The following FOXP2 variants were observed in gnomAD, a reference collection of about 807,000 sequenced individuals.
FOXP2 encodes the protein forkhead box P2.
FOXP2 carries 12 observed loss-of-function variants against 115.8 expected under a neutral mutation model. The ratio of observed to expected loss-of-function variants is 0.10; its 90% CI spans 0.07 to 0.17. The LOEUF (loss-of-function observed/expected upper bound fraction) is 0.17. Among genes scored for constraint, FOXP2 ranks in the 10% least tolerant of loss-of-function variants. FOXP2 has a pLI of 1.00. For synonymous variants in FOXP2, 328 were observed against 297.7 expected, an observed-to-expected ratio of 1.10 and a Z score of -1.05; for missense variants, 629 against 843.5, an observed-to-expected ratio of 0.75 and a Z score of 3.15.
At chr7:114,631,985 A>G (rs1383110841) in intron 6 of FOXP2, among the ~76,000 whole-genome samples, 1 of 152,226 alleles carries the variant, frequency 6.6e-6, no homozygotes, top group African/African-American at 2.4e-5. Flanking sequence ...GGGCAACACA[A>G]TTCAAGCACT....
intron 2 of FOXP2, among the ~76,000 whole-genome samples, chr7:114,485,875 G>A (rs1208418543): frequency 2.0e-5 from 3 of 152,086 alleles, no homozygotes; most frequent in Admixed American, 2.0e-4. Flanking sequence ...GCTAATAAGT[G>A]GTGGAGCTGT....
intron 2 of FOXP2, among the ~76,000 whole-genome samples, chr7:114,483,904 A>T (rs1286662633): frequency 1.3e-5 from 2 of 151,766 alleles, no homozygotes; most frequent in East Asian, 3.9e-4. Flanking sequence ...TCTCCTTATT[A>T]TAATTAAATT....
At chr7:114,591,183 A>C (rs1188461789) in intron 3 of FOXP2, among the ~76,000 whole-genome samples, 1 of 152,128 alleles carries the variant, frequency 6.6e-6, no homozygotes, top group African/African-American at 2.4e-5. Flanking sequence ...TATATGCTGG[A>C]CATTGGACAC....
chr7:114,563,268 ATGAC>A (rs1284310660), intron 3 of FOXP2, among the ~76,000 whole-genome samples: 3 of 152,210 alleles, frequency 2.0e-5, no homozygotes, highest in Non-Finnish European at 2.9e-5. Flanking sequence ...TCTATTGAAT[ATGAC>A]TGACCACTTC....
intron 2 of FOXP2, among the ~76,000 whole-genome samples, chr7:114,388,918 G>A (rs1398796517): frequency 6.6e-6 from 1 of 152,218 alleles, no homozygotes; most frequent in Non-Finnish European, 1.5e-5. Flanking sequence ...TTTTTAGAAT[G>A]CATCAGTAAA....
chr7:114,224,383 T>A (rs1377404918), intron 1 of FOXP2, among the ~76,000 whole-genome samples: 1 of 152,196 alleles, frequency 6.6e-6, no homozygotes, highest in Non-Finnish European at 1.5e-5. Flanking sequence ...TGAGTCTTCC[T>A]ATTAATGAAC....
chr7:114,309,265 G>T (rs1797085860), intron 2 of FOXP2, among the ~76,000 whole-genome samples: 1 of 152,128 alleles, frequency 6.6e-6, no homozygotes, highest in Non-Finnish European at 1.5e-5. Flanking sequence ...TCACTCTGTG[G>T]AAACTGAAGC....
At chr7:114,444,946 T>C (rs1310277852) in intron 2 of FOXP2, among the ~76,000 whole-genome samples, 1 of 152,148 alleles carries the variant, frequency 6.6e-6, no homozygotes, top group Non-Finnish European at 1.5e-5. Context: ...GCATTCTTTA[T>C]TTTGGAGAAA....
At chr7:114,528,367 G>A (rs188132907) in intron 2 of FOXP2, among the ~76,000 whole-genome samples, 1 of 151,986 alleles carries the variant, frequency 6.6e-6, no homozygotes, top group East Asian at 1.9e-4. Context: ...TTAAAACATT[G>A]TCTATGGCCT....
chr7:114,596,240 T>C lies in FOXP2; in HGVS notation c.259-32300T>C, dbSNP rs189891908. ...ATAGCTCCATTTCCTTGGAGTGGTT[T>C]TTCATTGACCACTTGGTTGTGCTTC... On this transcript the variant is annotated intron_variant, in intron 3 of 16. Transcript: ENST00000350908. 1.9e-3 allele frequency among the ~76,000 whole-genome samples: 283 copies of C among 152,152 alleles called. 1 individual carries two copies. Among genetic ancestry groups the C allele is most frequent in the Admixed American group, 6.3e-3 (96 of 15,242 alleles).
chr7:114,433,946 A>C (rs879748525), intron 2 of FOXP2, among the ~76,000 whole-genome samples: 1 of 151,992 alleles, frequency 6.6e-6, no homozygotes, highest in African/African-American at 2.4e-5. Context: ...AAGAGGAGTT[A>C]ATGTAAAAAA....
intron 1 of FOXP2, among the ~76,000 whole-genome samples, chr7:114,264,410 A>G: frequency 6.6e-6 from 1 of 152,164 alleles, no homozygotes; most frequent in East Asian, 1.9e-4. Flanking sequence ...TTACTATGCC[A>G]TTGTTGTTTT....
chr7:114,247,970 C>G (rs561360261), intron 1 of FOXP2, among the ~76,000 whole-genome samples: 7 of 152,112 alleles, frequency 4.6e-5, no homozygotes, highest in East Asian at 1.9e-4. Context: ...TACACACACA[C>G]AGAGAGAGAA....
chr7:114,369,684 T>C (rs149757852), intron 2 of FOXP2, among the ~76,000 whole-genome samples: 6 of 152,310 alleles, frequency 3.9e-5, no homozygotes, highest in Admixed American at 1.3e-4. Flanking sequence ...ATAGATTTTG[T>C]CCATATGATT....
At chr7:114,536,397 C>CTTTTT (rs3997242) in intron 3 of FOXP2, among the ~76,000 whole-genome samples, 299 of 112,056 alleles carry the variant, frequency 2.7e-3, no homozygotes, top group Middle Eastern at 9.4e-3. Flanking sequence ...TTTTTCTTTT[C>CTTTTT]TTTTTTTTTT....
intron 1 of FOXP2, among the ~76,000 whole-genome samples, chr7:114,258,009 C>T (rs947425829): frequency 2.0e-5 from 3 of 152,112 alleles, no homozygotes; most frequent in African/African-American, 7.2e-5. Context: ...GGTTTTTAAC[C>T]CCAAATAAAG....
At chr7:114,637,573 C>T (rs1362855543) in intron 6 of FOXP2, among the ~76,000 whole-genome samples, 1 of 152,122 alleles carries the variant, frequency 6.6e-6, no homozygotes, top group African/African-American at 2.4e-5. Context: ...ACTGCAGGCA[C>T]TCTTATAGAC....
At chr7:114,538,176 A>G (rs1373126585) in intron 3 of FOXP2, 1 of 417,824 alleles carries the variant, frequency 2.4e-6, no homozygotes, top group African/African-American at 2.1e-5. Flanking sequence ...AAATGCCAAC[A>G]TGCACATACA....
At chr7:114,277,056 T>C (rs929514289) in intron 1 of FOXP2, among the ~76,000 whole-genome samples, 8 of 152,082 alleles carry the variant, frequency 5.3e-5, no homozygotes, top group African/African-American at 1.9e-4. Flanking sequence ...TCCTCTATCA[T>C]AGGAGCTCCT....
Sources: allele counts gnomAD v4.1 joint callset (sites outside exome capture counted in the v4.1 genomes callset), GRCh38; gene constraint gnomAD v4.1.1; transcripts MANE v1.5; gene names NCBI Gene and HGNC (gene_info 2026-07-23, HGNC 2026-07-21).